Variants in GALNTL6 observed in about 807,000 individuals in gnomAD.
GALNTL6 encodes polypeptide N-acetylgalactosaminyltransferase-like 6.
GALNTL6 carries 46 observed loss-of-function variants against 73.7 expected under a neutral mutation model. The ratio of observed to expected loss-of-function variants is 0.62; its 90% CI spans 0.49 to 0.80. The LOEUF (loss-of-function observed/expected upper bound fraction) is 0.80. Ranked by LOEUF, GALNTL6 falls within the 30% of genes least tolerant of loss-of-function variation. The pLI is 0.00. For synonymous variants in GALNTL6, 259 were observed against 263.7 expected (o/e 0.98, Z 0.17); for missense variants, 604 against 755.0 (o/e 0.80, Z 2.34).
intron 5 of GALNTL6, among the ~76,000 whole-genome samples, chr4:172,365,163 G>A (rs1391709105): frequency 6.6e-6 from 1 of 152,148 alleles, no homozygotes; most frequent in Non-Finnish European, 1.5e-5. Flanking sequence ...AGTATTTAAG[G>A]GTTTAGGGAG....
intron 11 of GALNTL6, among the ~76,000 whole-genome samples, chr4:173,017,483 C>G (rs1472242007): frequency 1.3e-5 from 2 of 151,958 alleles, no homozygotes; most frequent in Non-Finnish European, 2.9e-5. Flanking sequence ...AGCTTGCAGA[C>G]AGGAAAATGT....
At chr4:172,501,548 G>T (rs1252088889) in intron 5 of GALNTL6, among the ~76,000 whole-genome samples, 1 of 152,078 alleles carries the variant, frequency 6.6e-6, no homozygotes, top group South Asian at 2.1e-4. Flanking sequence ...GAATGAGAGA[G>T]AAATACTCTC....
chr4:172,991,930 TA>T (rs1751560707), intron 10 of GALNTL6, among the ~76,000 whole-genome samples: 2 of 152,230 alleles, frequency 1.3e-5, no homozygotes, highest in Non-Finnish European at 2.9e-5. Flanking sequence ...AATATCCTTT[TA>T]ATTTTAGCCA....
chr4:172,405,604 T>G (rs1744213782), intron 5 of GALNTL6, among the ~76,000 whole-genome samples: 1 of 151,780 alleles, frequency 6.6e-6, no homozygotes, highest in East Asian at 1.9e-4. Flanking sequence ...TGGAAATACC[T>G]GAGCTTTGTG....
chr4:172,534,506 T>C (rs192113808), intron 5 of GALNTL6, among the ~76,000 whole-genome samples: 1 of 152,354 alleles, frequency 6.6e-6, no homozygotes, highest in East Asian at 1.9e-4. Flanking sequence ...ATGTCTTTTT[T>C]CTGTAATGAA....
At chr4:172,513,095 C>T (rs1268717357) in intron 5 of GALNTL6, among the ~76,000 whole-genome samples, 2 of 152,004 alleles carry the variant, frequency 1.3e-5, no homozygotes, top group Non-Finnish European at 2.9e-5. Context: ...AGCAATTGTT[C>T]TTAGGTTTGG....
intron 2 of GALNTL6, among the ~76,000 whole-genome samples, chr4:172,226,595 G>GTTTC (rs1560978708): frequency 3.5e-4 from 13 of 37,484 alleles, no homozygotes; most frequent in East Asian, 9.2e-4. Context: ...GTGTCTGTGT[G>GTTTC]TGTGTGTTTC....
chr4:172,899,209 A>C (rs1001544389), intron 8 of GALNTL6, among the ~76,000 whole-genome samples: 2 of 152,192 alleles, frequency 1.3e-5, no homozygotes, highest in African/African-American at 4.8e-5. Flanking sequence ...GTCCTGCTAC[A>C]CAACGTGTTA....
intron 2 of GALNTL6, among the ~76,000 whole-genome samples, chr4:171,915,991 T>TA (rs1737613683): frequency 6.6e-6 from 1 of 152,160 alleles, no homozygotes; most frequent in Non-Finnish European, 1.5e-5. Context: ...TTTCTTCTTT[T>TA]AGAAAATTAT....
chr4:171,964,974 T>C (rs988050079), intron 2 of GALNTL6, among the ~76,000 whole-genome samples: 1 of 152,232 alleles, frequency 6.6e-6, no homozygotes, highest in African/African-American at 2.4e-5. Flanking sequence ...AGTGATGTCT[T>C]TGTTGTGACT....
At chr4:172,104,723 T>A (rs1290310573) in intron 2 of GALNTL6, among the ~76,000 whole-genome samples, 1 of 152,136 alleles carries the variant, frequency 6.6e-6, no homozygotes, top group Non-Finnish European at 1.5e-5. Context: ...GGGTTGATAG[T>A]CATGGCTAAT....
At chr4:172,030,447 AC>A (rs2045584195) in intron 2 of GALNTL6, among the ~76,000 whole-genome samples, 1 of 151,926 alleles carries the variant, frequency 6.6e-6, no homozygotes, top group South Asian at 2.1e-4. Flanking sequence ...ACAGTGGCTC[AC>A]TCCTGTAATC....
At chr4:172,192,559 A>G (rs879696340) in intron 2 of GALNTL6, among the ~76,000 whole-genome samples, 2 of 152,044 alleles carry the variant, frequency 1.3e-5, no homozygotes, top group Admixed American at 6.6e-5. Flanking sequence ...GCAACAGCCC[A>G]CCTTGGAGCT....
chr4:172,434,481 C>T (rs1375941931), intron 5 of GALNTL6, among the ~76,000 whole-genome samples: 1 of 152,078 alleles, frequency 6.6e-6, no homozygotes, highest in Non-Finnish European at 1.5e-5. Flanking sequence ...ATTCTTAAAA[C>T]TCAAAATGTG....
chr4:172,996,602 A>C (rs988182068), intron 10 of GALNTL6, among the ~76,000 whole-genome samples: 3 of 152,300 alleles, frequency 2.0e-5, no homozygotes, highest in Non-Finnish European at 4.4e-5. Context: ...TCTCATTCTC[A>C]TGTGATCAGA....
At chr4:172,566,131 A>G (rs547139683) in intron 5 of GALNTL6, among the ~76,000 whole-genome samples, 4 of 152,306 alleles carry the variant, frequency 2.6e-5, no homozygotes, top group Admixed American at 2.6e-4. Flanking sequence ...TAATGAATGG[A>G]ACATTCTGAC....
At chr4:172,859,855 C>T (rs1377983549) in intron 7 of GALNTL6, among the ~76,000 whole-genome samples, 1 of 152,162 alleles carries the variant, frequency 6.6e-6, no homozygotes, top group Non-Finnish European at 1.5e-5. Flanking sequence ...CGTGCACCTT[C>T]TGAGAATCTA....
intron 7 of GALNTL6, among the ~76,000 whole-genome samples, chr4:172,856,525 C>A (rs1579571779): frequency 2.0e-5 from 3 of 152,216 alleles, no homozygotes; most frequent in South Asian, 2.1e-4. Flanking sequence ...GAAGTCAGGG[C>A]CATAATTGCA....
At chr4:172,222,511 G>T (rs1192031519) in intron 2 of GALNTL6, among the ~76,000 whole-genome samples, 1 of 151,830 alleles carries the variant, frequency 6.6e-6, no homozygotes. Context: ...GATCTCATCT[G>T]GGATGCTGAG....
Sources: gnomAD v4.1 joint callset for allele counts (sites outside exome capture counted in the v4.1 genomes callset) on GRCh38, gnomAD v4.1.1 for gene constraint, MANE v1.5 for transcripts, NCBI Gene and HGNC (gene_info 2026-07-23, HGNC 2026-07-21) for gene names.